The following SLC35F5 variants were observed in gnomAD, a reference collection of about 807,000 sequenced individuals.
The protein encoded by SLC35F5 is solute carrier family 35 member F5.
In SLC35F5, 54 loss-of-function variants were observed where a neutral mutation model predicts 68.6. The ratio of observed to expected loss-of-function variants is 0.79; its 90% CI spans 0.63 to 0.99. The LOEUF (loss-of-function observed/expected upper bound fraction) is 0.99, where lower values mean the gene tolerates loss of function less well. SLC35F5 is among the 50% of genes least tolerant of loss of function. SLC35F5 has a pLI of 0.00. For synonymous variants in SLC35F5, 211 were observed against 205.2 expected (o/e 1.03, Z -0.24); for missense variants, 567 against 626.9 (o/e 0.90, Z 1.02).
intron 5 of SLC35F5, 73 bp downstream of exon 5, chr2:113,746,204 C>G: frequency 2.7e-6 from 3 of 1,128,434 alleles, no homozygotes; most frequent in Non-Finnish European, 4.0e-6. Context: ...TTGCTGCCAT[C>G]AAACCTGTTT....
In SLC35F5 at chr2:113,719,146, A is replaced by C; in HGVS notation, c.1496+8T>G. The C allele has an allele frequency of 6.2e-7, 1 of 1,604,118 alleles. No individual in the cohort carries two copies. The highest frequency in any genetic ancestry group is 1.3e-5 in the African/African-American group (1 of 74,404). On this transcript the variant is annotated splice_region_variant and intron_variant, in intron 14 of 15. Coordinates refer to ENST00000245680, the MANE Select transcript of SLC35F5 (RefSeq NM_025181.5). ...ATTTTTAAAAATGTGTATTGGGACT[A>C]AACTTACCTCTGAATTCGATGTTTT...
intron 3 of SLC35F5, among the ~76,000 whole-genome samples, chr2:113,753,824 T>C (rs1331291889): frequency 6.6e-6 from 1 of 152,194 alleles, no homozygotes; most frequent in East Asian, 1.9e-4. Flanking sequence ...ACAAACTATT[T>C]ATTTTAAATG....
chr2:113,721,971 C>CTTTTTTTTTTTTTTTTTTTTTAT, intron 13 of SLC35F5, among the ~76,000 whole-genome samples: 1 of 107,660 alleles, frequency 9.3e-6, no homozygotes, highest in Non-Finnish European at 1.9e-5. Flanking sequence ...TTGCTTTTAT[C>CTTTTTTTTTTTTTTTTTTTTTAT]TTTTTTTTTT....
In SLC35F5 at chr2:113,708,114, C is replaced by T. The variant is rs1271948678; in HGVS notation, c.*7104G>A. Among the ~76,000 whole-genome samples, 1 of 152,160 alleles carries T rather than the reference C, an allele frequency of 6.6e-6. No homozygotes were observed. Among genetic ancestry groups the T allele is most frequent in the Non-Finnish European group, 1.5e-5 (1 of 68,030 alleles). On this transcript the variant is annotated 3_prime_UTR_variant, in exon 16 of 16. Coordinates refer to ENST00000245680, the MANE Select transcript of SLC35F5 (RefSeq NM_025181.5). ...GCCACCAGTGCTCATCCTGTGGGCA[C>T]CCCACAGTCAGCAGTTTAAGACCAT...
intron 13 of SLC35F5, among the ~76,000 whole-genome samples, chr2:113,722,268 C>T (rs1052406090): frequency 2.0e-5 from 3 of 152,276 alleles, no homozygotes; most frequent in Middle Eastern, 6.8e-3. Flanking sequence ...GCCACTGTGC[C>T]TGGCTAAGAC....
chr2:113,748,391 T>A (rs756400963), intron 4 of SLC35F5, among the ~76,000 whole-genome samples: 2 of 152,060 alleles, frequency 1.3e-5, no homozygotes, highest in African/African-American at 2.4e-5. Flanking sequence ...GGTCTCAAAC[T>A]CCTGGCCTCA....
At chr2:113,704,797 T>TC (rs1686766959), downstream of SLC35F5, among the ~76,000 whole-genome samples, 1 of 151,008 alleles carries the variant, frequency 6.6e-6, no homozygotes, top group South Asian at 2.1e-4. Context: ...CCTCCACACC[T>TC]CCCCGCAAGC....
chr2:113,727,773 TATCAC>T (rs1373139985), intron 11 of SLC35F5, among the ~76,000 whole-genome samples: 1 of 151,770 alleles, frequency 6.6e-6, no homozygotes, highest in Admixed American at 6.6e-5. Flanking sequence ...TTGCTTTACA[TATCAC>T]ATCACATATG....
chr2:113,703,519 G>A (rs1339638061), downstream of SLC35F5, among the ~76,000 whole-genome samples: 1 of 152,154 alleles, frequency 6.6e-6, no homozygotes, highest in Non-Finnish European at 1.5e-5. Context: ...CTTATTCTCA[G>A]TGACTAGCAG....
In SLC35F5 at chr2:113,725,394, C is replaced by T. The variant is rs1438483695; in HGVS notation, c.1234G>A (p.Glu412Lys). The T allele has an allele frequency of 6.2e-7, 1 of 1,602,638 alleles. No homozygotes were observed. Among genetic ancestry groups the T allele is most frequent in the South Asian group, 1.1e-5 (1 of 88,054 alleles). Residue 412 changes from glutamate to lysine, a missense_variant, in exon 12 of 16, where the codon GAG becomes AAG. Physicochemically the swap from Glu to Lys is moderately conservative, Grantham distance 56. Coordinates refer to ENST00000245680, the MANE Select transcript of SLC35F5 (RefSeq NM_025181.5). ...AGTACATACCACAACCACAGGAACT[C>T]TGAGAGTACTGTTCCAATAAGGCCA... ...INGLIGTVLS[E>K]FLWLWGCFLT... is the part of the protein sequence containing the mutation.
At position 113,714,874 on chromosome 2, in the gene SLC35F5, CAT is replaced by C. The variant is rs1687121214; in HGVS notation, c.*342_*343del. The stretch of plus-strand genomic sequence containing the variant: ...TTTCATAATATATTCCAGCATTTAA[CAT>C]GTGAAAATAAAGTCCCAGAACATTA... On this transcript the variant is annotated 3_prime_UTR_variant, in exon 16 of 16. Coordinates refer to ENST00000245680, the MANE Select transcript of SLC35F5 (RefSeq NM_025181.5). 1 of 152,530 alleles carries C rather than the reference CAT, an allele frequency of 6.6e-6. No individual in the cohort carries two copies. The highest frequency in any genetic ancestry group is 1.5e-5 in the Non-Finnish European group (1 of 67,974). 9.4% of individuals were successfully genotyped at this position (152,530 alleles called of 1,614,324 possible).
intron 13 of SLC35F5, among the ~76,000 whole-genome samples, chr2:113,721,971 CT>C (rs71297192): frequency 0.21 from 22,639 of 107,230 alleles, 1,480 homozygotes; most frequent in Middle Eastern, 0.39. Context: ...TTGCTTTTAT[CT>C]TTTTTTTTTT....
intron 11 of SLC35F5, among the ~76,000 whole-genome samples, chr2:113,727,659 C>T (rs1437049048): frequency 3.3e-5 from 5 of 152,110 alleles, no homozygotes; most frequent in Non-Finnish European, 5.9e-5. Flanking sequence ...ACTCACTGCT[C>T]CCTGTTAAGC....
At chr2:113,719,347 T>G (rs1246391894) in intron 13 of SLC35F5, 39 bp from the exon 14 acceptor site, 2 of 1,510,614 alleles carry the variant, frequency 1.3e-6, no homozygotes, top group Non-Finnish European at 8.8e-7. Context: ...CACCCACAAT[T>G]ATCATTAAGG....
Position 113,707,768 on chromosome 2 carries a change from T to G in SLC35F5, c.*7450A>C, listed in dbSNP as rs1686839539. 6.6e-6 allele frequency among the ~76,000 whole-genome samples: 1 copy of G among 152,010 alleles called. No homozygotes were observed. The highest frequency in any genetic ancestry group is 1.5e-5 in the Non-Finnish European group (1 of 67,962). ...TAGAGAAGGGGTTTCTCCATGTTGG[T>G]CACACTGGTTTTGAACTCCTAATCT... On this transcript the variant is annotated 3_prime_UTR_variant, in exon 16 of 16. Transcript: ENST00000245680.
chr2:113,747,410 A>G (rs993671532), intron 4 of SLC35F5, among the ~76,000 whole-genome samples: 11 of 152,236 alleles, frequency 7.2e-5, no homozygotes, highest in African/African-American at 2.4e-4. Context: ...TCTCTGCTGA[A>G]AGTCTGAAGA....
chr2:113,745,044 G>A (rs1676433793), intron 5 of SLC35F5, among the ~76,000 whole-genome samples: 1 of 152,104 alleles, frequency 6.6e-6, no homozygotes, highest in Admixed American at 6.5e-5. Context: ...AAAAAATTCA[G>A]TAAATGAAGG....
In SLC35F5 at chr2:113,755,478, T is replaced by C; in HGVS notation, c.107A>G (p.Asp36Gly). 1 of 1,614,126 alleles carries C rather than the reference T, an allele frequency of 6.2e-7. No individual in the cohort carries two copies. Among genetic ancestry groups the C allele is most frequent in the Non-Finnish European group, 8.5e-7 (1 of 1,180,008 alleles). The change falls in exon 2 of 16, where the codon GAT (aspartate) becomes GGT (glycine). Residue 36 changes from aspartate (D) to glycine (G), a missense_variant. Coordinates refer to ENST00000245680, the MANE Select transcript of SLC35F5 (RefSeq NM_025181.5). ...SAKFSGIALE[D>G]LRRALKTRLQ... ...CCTTGTCTTAAGAGCCCTTCTGAGA[T>C]CCTCAAGAGCAATGCCGGAAAACTT...
intron 10 of SLC35F5, among the ~76,000 whole-genome samples, chr2:113,730,439 A>G (rs181358178): frequency 6.6e-6 from 1 of 152,336 alleles, no homozygotes; most frequent in African/African-American, 2.4e-5. Flanking sequence ...GCACATACCA[A>G]ATACATATAT....
Sources: gnomAD v4.1 joint callset for allele counts (sites outside exome capture counted in the v4.1 genomes callset) on GRCh38, gnomAD v4.1.1 for gene constraint, MANE v1.5 for transcripts, NCBI Gene and HGNC (gene_info 2026-07-23, HGNC 2026-07-21) for gene names.